Variants in TUBGCP2 observed in about 807,000 individuals in gnomAD.
The protein encoded by TUBGCP2 is gamma-tubulin complex component 2.
TUBGCP2 carries 55 observed loss-of-function variants against 92.2 expected under a neutral mutation model. That is an observed-to-expected ratio of 0.60 (90% CI 0.48 to 0.75). TUBGCP2 has a LOEUF of 0.75. Ranked by LOEUF, TUBGCP2 falls within the 30% of genes least tolerant of loss-of-function variation. TUBGCP2 has a pLI of 0.00. For missense variants in TUBGCP2, 1,093 were observed against 1,188.9 expected, an observed-to-expected ratio of 0.92 and a Z score of 1.19; for synonymous variants, 533 against 505.2, an observed-to-expected ratio of 1.06 and a Z score of -0.74.
intron 9 of TUBGCP2, 33 bp from the exon 10 acceptor site, chr10:133,289,053 C>A: frequency 6.3e-7 from 1 of 1,594,504 alleles, no homozygotes. Flanking sequence ...TTTTATTCTC[C>A]ACATGGTCGA....
intron 4 of TUBGCP2, among the ~76,000 whole-genome samples, chr10:133,298,594 C>G (rs1277991106): frequency 1.3e-5 from 2 of 152,278 alleles, no homozygotes; most frequent in African/African-American, 4.8e-5. Context: ...GACATGTGGT[C>G]AGAGAGCCTG....
intron 2 of TUBGCP2, chr10:133,302,585 G>C (rs1046376995): frequency 9.9e-6 from 6 of 606,382 alleles, no homozygotes; most frequent in Admixed American, 3.0e-5. Context: ...GCACCATCCT[G>C]ATCCAGGAAC....
chr10:133,308,976 C>G (rs1847909450), upstream of TUBGCP2: 15 of 1,244,252 alleles, frequency 1.2e-5, no homozygotes, highest in Non-Finnish European at 1.4e-5. Context: ...GCGCCCGCCT[C>G]GCTGCGGGGC....
rs541353854 is a variant in TUBGCP2, at chr10:133,285,395, G to C, written c.1895+61C>G. On this transcript the variant is annotated intron_variant, in intron 12 of 17. Transcript: ENST00000252936. This position sits in a 1 kb window ranked among gnomAD's most constrained non-coding sequence, Gnocchi z 6.8. ...GACGAGGTGGCCACCGCGTGGCACAGTTCTCGCTTCTGCCAAACCTGAGTG... is the reference window on the plus strand; with the variant it reads ...GACGAGGTGGCCACCGCGTGGCACACTTCTCGCTTCTGCCAAACCTGAGTG... 10 of 1,609,278 alleles carry C rather than the reference G, an allele frequency of 6.2e-6. No homozygotes were observed. The East Asian group carries it at 2.2e-4, about 36-fold the overall frequency.
chr10:133,284,872 T>C (rs1162304484), intron 13 of TUBGCP2, among the ~76,000 whole-genome samples: 2 of 152,208 alleles, frequency 1.3e-5, no homozygotes, highest in East Asian at 1.9e-4. Flanking sequence ...GCATCCCCTG[T>C]GGGGTGGACG....
chr10:133,312,085 C>A (rs893058020), upstream of TUBGCP2: 16 of 1,456,544 alleles, frequency 1.1e-5, no homozygotes, highest in Admixed American at 2.0e-4. Context: ...ACTCACTTTT[C>A]CTCATTGTCT....
chr10:133,286,702 C>T (rs190430283), intron 11 of TUBGCP2, among the ~76,000 whole-genome samples: 206 of 151,356 alleles, frequency 1.4e-3, no homozygotes, highest in Admixed American at 4.0e-3. Flanking sequence ...AGTCTGTTCT[C>T]TAACAAGGAG....
chr10:133,291,853 T>TCC (rs1427803441), intron 8 of TUBGCP2, among the ~76,000 whole-genome samples: 3 of 14,782 alleles, frequency 2.0e-4, no homozygotes, highest in Admixed American at 1.5e-3. Flanking sequence ...TCCGTGTCCC[T>TCC]GTGTCCCGGG....
At chr10:133,297,860 G>A in intron 5 of TUBGCP2, 92 bp downstream of exon 5, 1 of 1,553,556 alleles carries the variant, frequency 6.4e-7, no homozygotes, top group Non-Finnish European at 8.7e-7. Context: ...CCAGAGGCCA[G>A]AAATAAACAC....
intron 6 of TUBGCP2, 144 bp from the exon 7 acceptor site, chr10:133,293,382 G>T: frequency 8.3e-7 from 1 of 1,202,652 alleles, no homozygotes; most frequent in Non-Finnish European, 1.2e-6. Context: ...CCCAGGAGGA[G>T]ATGAGTCAGG....
chr10:133,309,405 C>T (rs370544381), upstream of TUBGCP2: 20 of 1,611,852 alleles, frequency 1.2e-5, no homozygotes, highest in Non-Finnish European at 1.6e-5. Flanking sequence ...GGACGTGCAG[C>T]GCCACCTCTA....
At chr10:133,280,228 A>G (rs955192918) in intron 17 of TUBGCP2, among the ~76,000 whole-genome samples, 6 of 152,214 alleles carry the variant, frequency 3.9e-5, no homozygotes, top group Non-Finnish European at 7.4e-5. Context: ...GCACAAACAC[A>G]GGTTTCTTCT....
chr10:133,311,850 C>A (rs1284462797), upstream of TUBGCP2: 4 of 1,613,340 alleles, frequency 2.5e-6, no homozygotes, highest in East Asian at 8.9e-5. Context: ...AGGTCAGTGT[C>A]TGAGCTCTTT....
chr10:133,310,786 G>T (rs936260553), upstream of TUBGCP2, among the ~76,000 whole-genome samples: 1 of 152,114 alleles, frequency 6.6e-6, no homozygotes, highest in Non-Finnish European at 1.5e-5. Context: ...TGCACTCTGG[G>T]AAATACTTCC....
In TUBGCP2 at chr10:133,293,366, T is replaced by G. The variant is rs1847410407; in HGVS notation, c.825-128A>C. ...TGAACCCCACATCCCAGAGGGGAACTTTTGCCCCAGGAGGAGATGAGTCAG... is the reference window on the plus strand; with the variant it reads ...TGAACCCCACATCCCAGAGGGGAACGTTTGCCCCAGGAGGAGATGAGTCAG... On this transcript the variant is annotated intron_variant, in intron 6 of 17. Transcript: ENST00000252936. 9.5e-6 allele frequency: 12 copies of G among 1,266,462 alleles called. No individual in the cohort carries two copies. The South Asian group carries it at 1.7e-4, about 18-fold the overall frequency. 78.5% of individuals were successfully genotyped at this position (1,266,462 alleles called of 1,614,324 possible). A position where few individuals can be genotyped will look rare whatever the true frequency, so the allele number is the denominator to read the frequency against.
At chr10:133,291,251 C>CT (rs1847284442) in intron 8 of TUBGCP2, among the ~76,000 whole-genome samples, 2 of 67,356 alleles carry the variant, frequency 3.0e-5, no homozygotes, top group South Asian at 7.1e-4. Context: ...CCGTGTCCCC[C>CT]ATGTCCCTCC....
At chr10:133,309,155 A>T, upstream of TUBGCP2, 1 of 1,369,620 alleles carries the variant, frequency 7.3e-7, no homozygotes, top group Non-Finnish European at 9.5e-7. Flanking sequence ...TACGGCGGCG[A>T]GGCGGGGCCG....
chr10:133,311,921 G>T, upstream of TUBGCP2: 1 of 1,613,140 alleles, frequency 6.2e-7, no homozygotes, highest in Non-Finnish European at 8.5e-7. Flanking sequence ...CTGGGCCGCA[G>T]CTCTTCTCAT....
Position 133,283,745 on chromosome 10 carries a change from C to T in TUBGCP2, c.2145+137G>A, listed in dbSNP as rs573867237. On this transcript the variant is annotated intron_variant, in intron 14 of 17. Transcript: ENST00000252936. ...TCCCGCACTCCCTGCCTCTCCTGCACTCCCTGCGTCTCCCTGCATTCCCTG... is the reference window on the plus strand; with the variant it reads ...TCCCGCACTCCCTGCCTCTCCTGCATTCCCTGCGTCTCCCTGCATTCCCTG... 35 of 1,292,548 alleles carry T rather than the reference C, an allele frequency of 2.7e-5. No homozygotes were observed. The African/African-American group carries it at 3.1e-4, about 12-fold the overall frequency. 80.1% of individuals were successfully genotyped at this position (1,292,548 alleles called of 1,614,324 possible).
Sources: allele counts gnomAD v4.1 joint callset (sites outside exome capture counted in the v4.1 genomes callset), GRCh38; gene constraint gnomAD v4.1.1; non-coding constraint Gnocchi (gnomAD v3.1); transcripts MANE v1.5; gene names NCBI Gene and HGNC (gene_info 2026-07-23, HGNC 2026-07-21).